Variants in SDC2 observed in about 807,000 individuals in gnomAD.
The protein encoded by SDC2 is syndecan-2.
A neutral mutation model predicts 22.2 loss-of-function variants in SDC2; 13 were observed. The ratio of observed to expected loss-of-function variants is 0.59; its 90% confidence interval spans 0.38 to 0.93. The LOEUF (loss-of-function observed/expected upper bound fraction) is 0.93, where lower values mean the gene tolerates loss of function less well. Among genes scored for constraint, SDC2 ranks in the 40% least tolerant of loss-of-function variants. SDC2 has a pLI of 0.00. For synonymous variants in SDC2, 94 were observed against 92.8 expected (o/e 1.01, Z -0.07); for missense variants, 235 against 246.8 (o/e 0.95, Z 0.32).
intron 2 of SDC2, 98 bp from the exon 3 acceptor site, chr8:96,602,297 A>G: frequency 8.0e-7 from 1 of 1,244,462 alleles, no homozygotes; most frequent in Non-Finnish European, 1.1e-6. Context: ...TTGAAAGAAC[A>G]TGATTCTGTC....
intron 1 of SDC2, among the ~76,000 whole-genome samples, chr8:96,542,288 T>G (rs1462651400): frequency 6.6e-6 from 1 of 152,214 alleles, no homozygotes; most frequent in East Asian, 1.9e-4. Context: ...TTGATGTGCA[T>G]GTATCTCCCA....
rs190241845 is a variant in SDC2, at chr8:96,605,733, T to C, written c.307-2602T>C. ...TTACTCTTTATTATACTTTATTACA[T>C]ACCACCTTCAGTAGAAGTGTAGCGT... On this transcript the variant is annotated intron_variant, in intron 3 of 4. Transcript: ENST00000302190. 6.1e-3 allele frequency among the ~76,000 whole-genome samples: 926 copies of C among 152,360 alleles called. 3 individuals are homozygous for C. Among genetic ancestry groups the C allele is most frequent in the Non-Finnish European group, 9.6e-3 (650 of 68,034 alleles).
chr8:96,531,295 G>A (rs548866720), intron 1 of SDC2, among the ~76,000 whole-genome samples: 1 of 152,290 alleles, frequency 6.6e-6, no homozygotes, highest in South Asian at 2.1e-4. Context: ...GCCTCATTAT[G>A]TTGTTCTTAC....
intron 1 of SDC2, among the ~76,000 whole-genome samples, chr8:96,558,352 C>A (rs1266425156): frequency 2.0e-5 from 3 of 151,988 alleles, no homozygotes; most frequent in Non-Finnish European, 4.4e-5. Context: ...TTGTGGCGTG[C>A]AGCTGATAGG....
At chr8:96,572,211 C>G (rs964709584) in intron 1 of SDC2, among the ~76,000 whole-genome samples, 4 of 152,146 alleles carry the variant, frequency 2.6e-5, no homozygotes, top group African/African-American at 9.7e-5. Context: ...GAATTGTTTT[C>G]TTAGTGGTTT....
chr8:96,551,147 T>G (rs991194754), intron 1 of SDC2, among the ~76,000 whole-genome samples: 2 of 152,194 alleles, frequency 1.3e-5, no homozygotes, highest in African/African-American at 4.8e-5. Context: ...GGAGGATTTC[T>G]TTGACCCACA....
rs1307253468 is a variant in SDC2, at chr8:96,494,190, G to A, written c.-82G>A. ...TACTCTGCTCCGGATTCGTGTGCGC[G>A]GGCTGCGCCGAGCGCTGGGCAGGAG... On this transcript the variant is annotated 5_prime_UTR_variant, in exon 1 of 5. Coordinates refer to ENST00000302190, the MANE Select transcript of SDC2 (RefSeq NM_002998.4). 5 of 1,391,714 alleles carry A rather than the reference G, an allele frequency of 3.6e-6. No individual in the cohort carries two copies. Among genetic ancestry groups the A allele is most frequent in the Non-Finnish European group, 3.9e-6 (4 of 1,021,536 alleles). The allele number at this position is 1,391,714 out of a possible 1,614,324, so 86.2% of individuals were successfully genotyped here.
rs1305969731 is a variant in SDC2, at chr8:96,562,489, T to TA, written c.61-30991_61-30990insA. On this transcript the variant is annotated intron_variant, in intron 1 of 4. Coordinates refer to ENST00000302190, the MANE Select transcript of SDC2 (RefSeq NM_002998.4). ...GAGTCCCTGTGGGACTTGGTAGCTC[T>TA]GGGGGGCTTCTGAGGAAGAGACTCA... Among the ~76,000 whole-genome samples, 15 of 152,252 alleles carry TA rather than the reference T, an allele frequency of 9.9e-5. No homozygotes were observed. The East Asian group carries it at 2.9e-3, about 29-fold the overall frequency.
At chr8:96,545,122 G>A (rs1813910857) in intron 1 of SDC2, among the ~76,000 whole-genome samples, 1 of 152,194 alleles carries the variant, frequency 6.6e-6, no homozygotes, top group Non-Finnish European at 1.5e-5. Flanking sequence ...TATTGTCATT[G>A]CATTAGCTGA....
chr8:96,557,639 T>TGGG (rs1814139779), intron 1 of SDC2, among the ~76,000 whole-genome samples: 2 of 109,720 alleles, frequency 1.8e-5, no homozygotes, highest in South Asian at 5.9e-4. Context: ...GTGGGGGGAG[T>TGGG]GGGGAGGGTT....
intron 1 of SDC2, among the ~76,000 whole-genome samples, chr8:96,533,000 T>A (rs1813690988): frequency 6.6e-6 from 1 of 152,090 alleles, no homozygotes; most frequent in Non-Finnish European, 1.5e-5. Flanking sequence ...ACCCTTGCGG[T>A]GAATGTTGTA....
At chr8:96,522,428 A>T (rs1020379659) in intron 1 of SDC2, among the ~76,000 whole-genome samples, 1 of 151,398 alleles carries the variant, frequency 6.6e-6, no homozygotes, top group African/African-American at 2.4e-5. Flanking sequence ...AACGCCGTGT[A>T]TTATTTTTGT....
At chr8:96,549,973 T>C (rs1161319339) in intron 1 of SDC2, among the ~76,000 whole-genome samples, 3 of 152,178 alleles carry the variant, frequency 2.0e-5, no homozygotes, top group Non-Finnish European at 2.9e-5. Context: ...TTGTATCTGC[T>C]AGGTTTGGAA....
rs142491302 is a variant in SDC2 at position 96,501,820 on chromosome 8, G to A, written c.60+7489G>A. On this transcript the variant is annotated intron_variant, in intron 1 of 4. Coordinates refer to ENST00000302190, the MANE Select transcript of SDC2 (RefSeq NM_002998.4). ...AATATTTACTTTTTCTGCACTTTAG[G>A]GTGTGGTAGGAGAAATGTGAAGATT... is the stretch of plus-strand genomic sequence containing the variant. Among the ~76,000 whole-genome samples, 319 of 151,908 alleles carry A rather than the reference G, an allele frequency of 2.1e-3. 2 individuals are homozygous for A. Among genetic ancestry groups the A allele is most frequent in the African/African-American group, 7.5e-3 (311 of 41,388 alleles).
rs1586331409 is a variant in SDC2, at chr8:96,610,599, G to A, written c.*1051G>A. 6.6e-6 allele frequency: 1 copy of A among 152,644 alleles called. No homozygotes were observed. The highest frequency in any genetic ancestry group is 2.4e-5 in the African/African-American group (1 of 41,552). The allele number at this position is 152,644 out of a possible 1,614,324, so 9.5% of individuals were successfully genotyped here. A position where few individuals can be genotyped will look rare whatever the true frequency, so the allele number is the denominator to read the frequency against. On this transcript the variant is annotated 3_prime_UTR_variant, in exon 5 of 5. Coordinates refer to ENST00000302190, the MANE Select transcript of SDC2 (RefSeq NM_002998.4). ...TGAATAGACATAAATTGTAATTTGG[G>A]AACATAAAAACTACTGAATAAATCA...
intron 1 of SDC2, among the ~76,000 whole-genome samples, chr8:96,541,375 T>C (rs781094681): frequency 1.3e-5 from 2 of 151,612 alleles, no homozygotes; most frequent in Non-Finnish European, 2.9e-5. Context: ...GACATGGCGG[T>C]GTGCACCTGT....
chr8:96,534,557 C>T (rs868713910), intron 1 of SDC2, among the ~76,000 whole-genome samples: 41 of 152,236 alleles, frequency 2.7e-4, no homozygotes, highest in Middle Eastern at 3.4e-3. Flanking sequence ...ACCTCAGCCT[C>T]CTGAGTAGCC....
At chr8:96,604,825 T>C (rs926773183) in intron 3 of SDC2, among the ~76,000 whole-genome samples, 2 of 152,250 alleles carry the variant, frequency 1.3e-5, no homozygotes, top group African/African-American at 4.8e-5. Context: ...TGCTGTCTTT[T>C]TGCGGATTCA....
chr8:96,579,148 A>AT (rs772283872), intron 1 of SDC2, among the ~76,000 whole-genome samples: 1 of 152,226 alleles, frequency 6.6e-6, no homozygotes, highest in African/African-American at 2.4e-5. Context: ...ACAATAAAGC[A>AT]TTATGGGCTG....
Sources: allele counts gnomAD v4.1 joint callset (sites outside exome capture counted in the v4.1 genomes callset), GRCh38; gene constraint gnomAD v4.1.1; transcripts MANE v1.5; gene names NCBI Gene and HGNC (gene_info 2026-07-23, HGNC 2026-07-21).